PUM2: variants seen among roughly 807,000 people sequenced by gnomAD.
The protein encoded by PUM2 is pumilio RNA binding family member 2.
PUM2 carries 57 observed loss-of-function variants against 124.5 expected under a neutral mutation model. The observed-to-expected ratio is 0.46, with a 90% CI of 0.37 to 0.57. The LOEUF (loss-of-function observed/expected upper bound fraction) is 0.57, where lower values mean the gene tolerates loss of function less well. Among genes scored for constraint, PUM2 ranks in the 20% least tolerant of loss-of-function variants. PUM2 has a pLI of 0.00. For missense variants in PUM2, 1,065 were observed against 1,290.6 expected (o/e 0.83, Z 2.68); for synonymous variants, 460 against 446.1 (o/e 1.03, Z -0.39).
Position 20,255,303 on chromosome 2 carries a change from T to G in PUM2, c.2661A>C (p.Val887=). The G allele has an allele frequency of 1.2e-6, 2 of 1,611,884 alleles. No individual in the cohort carries two copies. Among genetic ancestry groups the G allele is most frequent in the Non-Finnish European group, 1.7e-6 (2 of 1,178,138 alleles). Residue 887 remains valine, a synonymous_variant, in exon 18 of 21, where the codon GTA becomes GTC. Transcript: ENST00000361078. ...VLSTHPYGCR[V]IQRILEHCTA... is the part of the protein sequence containing the mutation. ...TGCAATGCTCTAGGATGCGCTGAAT[T>G]ACTCTGCAGCCATAAGGATGAGTTG...
At chr2:20,322,750 T>C (rs1572922778) in intron 2 of PUM2, among the ~76,000 whole-genome samples, 1 of 152,080 alleles carries the variant, frequency 6.6e-6, no homozygotes, top group South Asian at 2.1e-4. Flanking sequence ...TTGCAGTAAG[T>C]TGAGACAATG....
chr2:20,260,196 T>C (rs1016981025), intron 15 of PUM2, 141 bp downstream of exon 15: 36 of 929,450 alleles, frequency 3.9e-5, no homozygotes, highest in African/African-American at 3.7e-4. Flanking sequence ...GTTTACCGCA[T>C]ATATAATTTG....
rs1479147602 is a variant in PUM2 at position 20,278,961 on chromosome 2, CTATA to C, written c.1721-146_1721-143del. The C allele has an allele frequency of 3.1e-5, 20 of 645,224 alleles. No homozygotes were observed. In the Admixed American group the frequency reaches 5.6e-4, roughly 18 times the overall value. The allele number at this position is 645,224 out of a possible 1,614,324, so 40.0% of individuals were successfully genotyped here. A position where few individuals can be genotyped will look rare whatever the true frequency, so the allele number is the denominator to read the frequency against. ...TTGGAGAAGATAATTACTGTGATAACTATATATACTAACTTATTAATCATAAAAG... is the reference window on the plus strand; with the variant it reads ...TTGGAGAAGATAATTACTGTGATAACTATACTAACTTATTAATCATAAAAG... On this transcript the variant is annotated intron_variant, in intron 12 of 20. Transcript: ENST00000361078.
rs1675954109 is a variant in PUM2, at chr2:20,297,673, C to T, written c.889G>A (p.Val297Ile). Residue 297 changes from valine (V) to isoleucine (I), a missense_variant, in exon 8 of 21, where the codon GTA becomes ATA. Val to Ile is a conservative substitution (Grantham distance 29, BLOSUM62 3). This residue lies in a region of PUM2 where 968 missense variants were observed against 1,159.8 expected (regional missense o/e 0.83). Transcript: ENST00000361078. ...AAAQQPHIAGVFSAGLAPAAF... is the reference protein window; with the variant it reads ...AAAQQPHIAGIFSAGLAPAAF... ...GCTGGAGCAAGGCCTGCTGAGAATA[C>T]ACCAGCTATATTTTAAAAGGGGAGA... The T allele has an allele frequency of 3.1e-6, 5 of 1,608,066 alleles. No homozygotes were observed. The highest frequency in any genetic ancestry group is 1.3e-5 in the African/African-American group (1 of 74,624).
chr2:20,318,205 T>C (rs1681463334), intron 3 of PUM2, among the ~76,000 whole-genome samples: 1 of 152,132 alleles, frequency 6.6e-6, no homozygotes, highest in Non-Finnish European at 1.5e-5. Context: ...TCTTATTTTT[T>C]AATAATAGCC....
rs141294118 is a variant in PUM2, at chr2:20,280,760, C to T, written c.1721-1941G>A. On this transcript the variant is annotated intron_variant, in intron 12 of 20. Coordinates refer to ENST00000361078, the MANE Select transcript of PUM2 (RefSeq NM_015317.5). ...CTATGAGATATGAAACAAAGTGTACCTAAAATATCTAAGAGGGTAGACAGA... is the reference window on the plus strand; with the variant it reads ...CTATGAGATATGAAACAAAGTGTACTTAAAATATCTAAGAGGGTAGACAGA... Among the ~76,000 whole-genome samples the T allele has an allele frequency of 4.8e-3, 725 of 152,082 alleles. 18 individuals are homozygous for T. The highest frequency in any genetic ancestry group is 0.017 in the East Asian group (87 of 5,186).
intron 13 of PUM2, among the ~76,000 whole-genome samples, chr2:20,264,367 A>AATATATATATATATATATATATATATAT (rs1553362304): frequency 1.1e-4 from 3 of 26,614 alleles, no homozygotes; most frequent in Admixed American, 8.1e-4. Context: ...AAAAAAAAAA[A>AATATATATATATATATATATATATATAT]ATATATATAT....
Position 20,307,960 on chromosome 2 carries a change from G to A in PUM2, c.883+18C>T. On this transcript the variant is annotated intron_variant, in intron 7 of 20. Coordinates refer to ENST00000361078, the MANE Select transcript of PUM2 (RefSeq NM_015317.5). ...TTTAACAAGACTTTGGTCAAAATGA[G>A]AACGTATGAAGACTCACCTATATGT... 6.3e-7 allele frequency: 1 copy of A among 1,597,032 alleles called. No homozygotes were observed. Among genetic ancestry groups the A allele is most frequent in the South Asian group, 1.1e-5 (1 of 89,476 alleles).
intron 10 of PUM2, among the ~76,000 whole-genome samples, chr2:20,287,555 T>C (rs1043678153): frequency 6.6e-6 from 1 of 152,192 alleles, no homozygotes; most frequent in Admixed American, 6.5e-5. Flanking sequence ...GTGCATGGTA[T>C]GTTTGGGTAA....
intron 1 of PUM2, among the ~76,000 whole-genome samples, chr2:20,339,939 T>C (rs1313135875): frequency 6.6e-6 from 1 of 152,116 alleles, no homozygotes; most frequent in Non-Finnish European, 1.5e-5. Flanking sequence ...TATTTATAAA[T>C]GTCATTTCAT....
chr2:20,332,489 C>T (rs182489041), intron 1 of PUM2, among the ~76,000 whole-genome samples: 52 of 151,166 alleles, frequency 3.4e-4, no homozygotes, highest in Admixed American at 2.4e-3. Context: ...ATTTCAATTA[C>T]GAGAAAGAGA....
intron 1 of PUM2, among the ~76,000 whole-genome samples, chr2:20,332,420 A>T (rs1685119994): frequency 6.6e-6 from 1 of 151,070 alleles, no homozygotes; most frequent in Admixed American, 6.6e-5. Flanking sequence ...AAAAAAAAAA[A>T]AACCCACCCC....
chr2:20,286,891 T>C (rs767987386), intron 10 of PUM2, among the ~76,000 whole-genome samples: 39 of 152,050 alleles, frequency 2.6e-4, no homozygotes, highest in Non-Finnish European at 5.1e-4. Flanking sequence ...TTTTTGTCTA[T>C]GGCCATACAA....
chr2:20,328,499 T>C (rs1367841167), intron 1 of PUM2, among the ~76,000 whole-genome samples: 3 of 152,146 alleles, frequency 2.0e-5, no homozygotes, highest in African/African-American at 4.8e-5. Context: ...AGTCAATTAA[T>C]AACCACTCCA....
At chr2:20,304,491 T>A (rs1677746916) in intron 7 of PUM2, among the ~76,000 whole-genome samples, 1 of 152,242 alleles carries the variant, frequency 6.6e-6, no homozygotes, top group African/African-American at 2.4e-5. Flanking sequence ...AATTCCTATT[T>A]CAGCACCCAT....
chr2:20,261,618 C>T (rs1666304487), intron 14 of PUM2, among the ~76,000 whole-genome samples: 1 of 151,338 alleles, frequency 6.6e-6, no homozygotes, highest in Admixed American at 6.6e-5. Flanking sequence ...AGGACAGCTC[C>T]ATAGGTGTTG....
Position 20,278,061 on chromosome 2 carries a change from C to T in PUM2, c.1957+522G>A, listed in dbSNP as rs1670649807. ...AAAACATTTTTTTTCTTTAACATAT[C>T]CAAAAAAGAAGTATATGGCCCAAGC... On this transcript the variant is annotated intron_variant, in intron 13 of 20. Coordinates refer to ENST00000361078, the MANE Select transcript of PUM2 (RefSeq NM_015317.5). Among the ~76,000 whole-genome samples, 4 of 152,064 alleles carry T rather than the reference C, an allele frequency of 2.6e-5. No individual in the cohort carries two copies. The South Asian group carries it at 8.3e-4, about 32-fold the overall frequency.
intron 13 of PUM2, among the ~76,000 whole-genome samples, chr2:20,265,996 C>G (rs750009780): frequency 6.6e-6 from 1 of 152,170 alleles, no homozygotes; most frequent in Admixed American, 6.5e-5. Context: ...TCTCCCATAT[C>G]TAGGTATTCT....
rs116203415 is a variant in PUM2 at position 20,301,099 on chromosome 2, T to C, written c.884-3421A>G. 7.3e-3 allele frequency among the ~76,000 whole-genome samples: 1,114 copies of C among 152,352 alleles called. 19 individuals are homozygous for C. Among genetic ancestry groups the C allele is most frequent in the African/African-American group, 0.026 (1,067 of 41,580 alleles). ...CAAACCAATGTACATCTTATGCATA[T>C]TGACTGATATCTCAAGTCTTCTTAA... On this transcript the variant is annotated intron_variant, in intron 7 of 20. Coordinates refer to ENST00000361078, the MANE Select transcript of PUM2 (RefSeq NM_015317.5).
Sources: allele counts gnomAD v4.1 joint callset (sites outside exome capture counted in the v4.1 genomes callset), GRCh38; gene constraint gnomAD v4.1.1; regional missense constraint gnomAD v4.1.1; transcripts MANE v1.5; gene names NCBI Gene and HGNC (gene_info 2026-07-23, HGNC 2026-07-21).